ARAP2: variants seen among roughly 807,000 people sequenced by gnomAD.
ARAP2 encodes the protein arf-GAP with Rho-GAP domain, ANK repeat and PH domain-containing protein 2.
ARAP2 carries 148 observed loss-of-function variants against 194.5 expected under a neutral mutation model. The ratio of observed to expected loss-of-function variants is 0.76; its 90% CI spans 0.67 to 0.87. ARAP2 has a LOEUF of 0.87. Ranked by LOEUF, ARAP2 falls within the 40% of genes least tolerant of loss-of-function variation. ARAP2 has a pLI of 0.00. For missense variants in ARAP2, 2,128 were observed against 1,989.7 expected (o/e 1.07, Z -1.32); for synonymous variants, 695 against 683.5 (o/e 1.02, Z -0.26).
At chr4:36,027,980 C>T (rs1718214166) in intron 5 of ARAP2, among the ~76,000 whole-genome samples, 1 of 152,108 alleles carries the variant, frequency 6.6e-6, no homozygotes, top group African/African-American at 2.4e-5. Flanking sequence ...TAAATATTTA[C>T]CCATTAAACA....
At chr4:36,008,592 T>C (rs539522665) in intron 9 of ARAP2, among the ~76,000 whole-genome samples, 42 of 152,174 alleles carry the variant, frequency 2.8e-4, no homozygotes, top group South Asian at 1.9e-3. Context: ...ATAAAAATCC[T>C]AGAAGAAACC....
In ARAP2 at chr4:36,067,994, T is replaced by C. The variant is rs748792879; in HGVS notation, c.5028A>G (p.Pro1676=). ...CATTAAGTTCTTCAATTACCCTTGA[T>C]GGTAACTTATGATCAGAGTCCAAAG... ...KATLDSDHKL[P]SRVIEELNVV... The change falls in exon 33 of 33, where the codon CCA becomes CCG. Residue 1676 remains proline, a synonymous_variant. Transcript: ENST00000303965. The C allele has an allele frequency of 7.4e-6, 12 of 1,614,054 alleles. No homozygotes were observed. The highest frequency in any genetic ancestry group is 5.9e-6 in the Non-Finnish European group (7 of 1,179,974).
chr4:36,229,665 G>T lies in ARAP2; in HGVS notation c.-159-20C>A. 4.5e-6 allele frequency: 2 copies of T among 440,720 alleles called. No homozygotes were observed. The highest frequency in any genetic ancestry group is 6.7e-5 in the East Asian group (2 of 30,062). The allele number at this position is 440,720 out of a possible 1,614,324, so 27.3% of individuals were successfully genotyped here. A position where few individuals can be genotyped will look rare whatever the true frequency, so the allele number is the denominator to read the frequency against. On this transcript the variant is annotated intron_variant, in intron 1 of 32. Coordinates refer to ENST00000303965, the MANE Select transcript of ARAP2 (RefSeq NM_015230.4). ...TTAAGCCTAGAAAAAAATAAAAAAT[G>T]ATTCATTAGGCTATTTTAATTATTA...
intron 20 of ARAP2, among the ~76,000 whole-genome samples, chr4:36,131,432 ATATG>A (rs923791514): frequency 6.6e-6 from 1 of 150,968 alleles, no homozygotes; most frequent in Non-Finnish European, 1.5e-5. Context: ...ATATATGAAT[ATATG>A]TATGTACACA....
intron 27 of ARAP2, among the ~76,000 whole-genome samples, chr4:36,095,652 T>C (rs1714965278): frequency 6.6e-6 from 1 of 152,168 alleles, no homozygotes; most frequent in African/African-American, 2.4e-5. Flanking sequence ...GTAGAAATCA[T>C]TTCAACTAAT....
chr4:36,167,730 C>T (rs1735615405), intron 9 of ARAP2, among the ~76,000 whole-genome samples: 1 of 152,084 alleles, frequency 6.6e-6, no homozygotes, highest in Non-Finnish European at 1.5e-5. Context: ...ATAAAAACTG[C>T]CATTTGTTCA....
At chr4:36,144,774 AT>A (rs1210924754) in intron 19 of ARAP2, among the ~76,000 whole-genome samples, 1 of 151,872 alleles carries the variant, frequency 6.6e-6, no homozygotes, top group Non-Finnish European at 1.5e-5. Flanking sequence ...ACAAGATAAG[AT>A]TGAACTGCAC....
intron 31 of ARAP2, among the ~76,000 whole-genome samples, chr4:36,074,473 G>A (rs1199047589): frequency 1.3e-5 from 2 of 151,868 alleles, no homozygotes; most frequent in Non-Finnish European, 2.9e-5. Context: ...AATTTGGATG[G>A]GGATAAATGT....
chr4:36,008,085 G>A (rs1372537734), intron 9 of ARAP2, among the ~76,000 whole-genome samples: 1 of 152,050 alleles, frequency 6.6e-6, no homozygotes, highest in Non-Finnish European at 1.5e-5. Context: ...TTATGGGTTG[G>A]AAGAATCAAC....
At chr4:36,014,309 G>GGAAAGAGAGAGAGAGA (rs1715277470) in intron 8 of ARAP2, among the ~76,000 whole-genome samples, 1 of 85,204 alleles carries the variant, frequency 1.2e-5, no homozygotes, top group African/African-American at 5.5e-5. Context: ...AGAGAAGGAA[G>GGAAAGAGAGAGAGAGA]GAAAGAAAGA....
intron 24 of ARAP2, among the ~76,000 whole-genome samples, chr4:36,119,302 A>AG (rs1170778758): frequency 6.6e-6 from 1 of 151,504 alleles, no homozygotes; most frequent in Non-Finnish European, 1.5e-5. Flanking sequence ...AAGAATCACT[A>AG]GGCTGTCTGA....
chr4:36,110,097 G>A lies in ARAP2; in HGVS notation c.4157-2404C>T, dbSNP rs60028249. ...GCCCCTTGCCTCACATCACATGGCT[G>A]GTTAAGGTGAGGAACAGAGATGTGC... is the stretch of plus-strand genomic sequence containing the variant. On this transcript the variant is annotated intron_variant, in intron 26 of 32. Coordinates refer to ENST00000303965, the MANE Select transcript of ARAP2 (RefSeq NM_015230.4). Among the ~76,000 whole-genome samples the A allele has an allele frequency of 5.2e-3, 788 of 151,892 alleles. 8 individuals are homozygous for A. The highest frequency in any genetic ancestry group is 0.018 in the African/African-American group (743 of 41,492).
chr4:36,191,111 C>T (rs988506536), intron 7 of ARAP2, among the ~76,000 whole-genome samples: 1 of 152,134 alleles, frequency 6.6e-6, no homozygotes, highest in Non-Finnish European at 1.5e-5. Flanking sequence ...AATTAGAATG[C>T]CTAAAAACAT....
intron 15 of ARAP2, among the ~76,000 whole-genome samples, chr4:36,156,395 GAAAGAAAGAAAGAA>G (rs1732427928): frequency 1.4e-4 from 2 of 14,676 alleles, no homozygotes; most frequent in Admixed American, 8.8e-4. Flanking sequence ...GAGAGAGAAA[GAAAGAAAGAAAGAA>G]AGAAAGAAAG....
intron 26 of ARAP2, among the ~76,000 whole-genome samples, chr4:36,109,918 G>T (rs1719458319): frequency 7.4e-6 from 1 of 135,050 alleles, no homozygotes; most frequent in Non-Finnish European, 1.5e-5. Context: ...CCCAATAACG[G>T]TTGCCATTTA....
chr4:36,195,988 C>T (rs1217644902), intron 6 of ARAP2, among the ~76,000 whole-genome samples: 1 of 152,138 alleles, frequency 6.6e-6, no homozygotes, highest in African/African-American at 2.4e-5. Context: ...AAGCACAGTC[C>T]TTCTGGCACC....
At chr4:36,233,695 G>T (rs1751937285) in intron 1 of ARAP2, among the ~76,000 whole-genome samples, 1 of 152,192 alleles carries the variant, frequency 6.6e-6, no homozygotes, top group Admixed American at 6.5e-5. Context: ...CCTAGCATTG[G>T]TGAGGATTAA....
intron 19 of ARAP2, among the ~76,000 whole-genome samples, chr4:36,137,946 G>A (rs776495633): frequency 1.3e-5 from 2 of 151,706 alleles, no homozygotes; most frequent in Admixed American, 6.6e-5. Flanking sequence ...TAGAATGGAC[G>A]TGAAAGATGA....
intron 21 of ARAP2, among the ~76,000 whole-genome samples, chr4:36,127,434 C>T (rs1724219621): frequency 6.6e-6 from 1 of 152,002 alleles, no homozygotes; most frequent in Non-Finnish European, 1.5e-5. Context: ...CATTATAATA[C>T]TACTTTTGCT....
Sources: allele counts gnomAD v4.1 joint callset (sites outside exome capture counted in the v4.1 genomes callset), GRCh38; gene constraint gnomAD v4.1.1; transcripts MANE v1.5; gene names NCBI Gene and HGNC (gene_info 2026-07-23, HGNC 2026-07-21).